The following ACCSL variants were observed in gnomAD, a reference collection of about 807,000 sequenced individuals.
ACCSL encodes probable inactive 1-aminocyclopropane-1-carboxylate synthase-like protein 2.
In ACCSL, 55 loss-of-function variants were observed where a neutral mutation model predicts 61.7. That is an observed-to-expected ratio of 0.89 (90% confidence interval 0.72 to 1.12). The LOEUF (loss-of-function observed/expected upper bound fraction) is 1.12, where lower values mean the gene tolerates loss of function less well. Ranked by LOEUF, ACCSL falls within the 50% of genes most tolerant of loss-of-function variation. The pLI, the probability that ACCSL is intolerant of heterozygous loss-of-function variation, is 0.00. For missense variants in ACCSL, 632 were observed against 698.0 expected (o/e 0.91, Z 1.07); for synonymous variants, 258 against 264.3 (o/e 0.98, Z 0.23).
the ACCSL span, among the ~76,000 whole-genome samples, chr11:44,013,366 G>A: frequency 6.6e-6 from 1 of 152,062 alleles, no homozygotes; most frequent in African/African-American, 2.4e-5. Context: ...TGCAACCTCT[G>A]CCTCCTGGAT....
chr11:44,004,274 G>A, the ACCSL span, among the ~76,000 whole-genome samples: 2 of 151,990 alleles, frequency 1.3e-5, no homozygotes, highest in South Asian at 2.1e-4. Flanking sequence ...GGGCAGTCAC[G>A]AGCTTGAGTC....
At chr11:44,054,045 T>C (rs1389066106) in intron 8 of ACCSL, among the ~76,000 whole-genome samples, 1 of 152,234 alleles carries the variant, frequency 6.6e-6, no homozygotes, top group Admixed American at 6.5e-5. Context: ...ATAGTTTTGT[T>C]TTCTGAGAAA....
At chr11:44,055,445 T>G (rs1199851782) in intron 9 of ACCSL, among the ~76,000 whole-genome samples, 154 bp downstream of exon 9, 1 of 152,254 alleles carries the variant, frequency 6.6e-6, no homozygotes, top group East Asian at 1.9e-4. Flanking sequence ...CATCTTTCCC[T>G]CTAAATGTCT....
the ACCSL span, among the ~76,000 whole-genome samples, chr11:44,006,725 G>A: frequency 2.0e-5 from 3 of 151,782 alleles, no homozygotes; most frequent in East Asian, 1.9e-4. Context: ...GGCTGGTCTC[G>A]AACTCCTGAC....
At chr11:43,953,157 C>G in the ACCSL span, among the ~76,000 whole-genome samples, 1 of 152,128 alleles carries the variant, frequency 6.6e-6, no homozygotes, top group Non-Finnish European at 1.5e-5. Flanking sequence ...GGAGATCAGG[C>G]ATTCTTTGTT....
intron 13 of ACCSL, among the ~76,000 whole-genome samples, chr11:44,059,595 C>T (rs567433226): frequency 6.6e-5 from 10 of 152,214 alleles, no homozygotes; most frequent in African/African-American, 1.9e-4. Flanking sequence ...GCCATAAGCC[C>T]GAGAGTACAG....
the ACCSL span, among the ~76,000 whole-genome samples, chr11:43,976,124 C>T: frequency 2.0e-5 from 3 of 151,192 alleles, no homozygotes; most frequent in Non-Finnish European, 4.4e-5. Flanking sequence ...TAAAGAACTA[C>T]ACCCTAGAAG....
the ACCSL span, among the ~76,000 whole-genome samples, chr11:43,954,091 T>G: frequency 6.6e-6 from 1 of 152,164 alleles, no homozygotes; most frequent in Admixed American, 6.5e-5. Context: ...AGGAGCCACA[T>G]GTGGCTCTGG....
At chr11:44,005,774 ACT>A in the ACCSL span, among the ~76,000 whole-genome samples, 1 of 151,968 alleles carries the variant, frequency 6.6e-6, no homozygotes, top group East Asian at 1.9e-4. Context: ...ACTACATCTA[ACT>A]CTCTCAACAA....
intron 2 of ACCSL, 100 bp from the exon 3 acceptor site, chr11:44,050,452 C>A: frequency 3.0e-6 from 3 of 997,456 alleles, no homozygotes; most frequent in South Asian, 1.4e-5. Flanking sequence ...TCTAGGAGGT[C>A]ATGTATGTGG....
At chr11:43,947,896 G>A in the ACCSL span, among the ~76,000 whole-genome samples, 1 of 152,210 alleles carries the variant, frequency 6.6e-6, no homozygotes, top group Non-Finnish European at 1.5e-5. Flanking sequence ...GCAGGCATGA[G>A]CTGGGTGGGT....
At chr11:44,014,866 C>T in the ACCSL span, among the ~76,000 whole-genome samples, 1 of 152,326 alleles carries the variant, frequency 6.6e-6, no homozygotes, top group Non-Finnish European at 1.5e-5. Context: ...CTAAAGCGCT[C>T]TCCGAGCCTG....
At chr11:43,977,228 C>A in the ACCSL span, among the ~76,000 whole-genome samples, 1 of 152,262 alleles carries the variant, frequency 6.6e-6, no homozygotes, top group African/African-American at 2.4e-5. Context: ...TGTCCTAATC[C>A]CTGGAACCTG....
At chr11:43,922,154 G>C in the ACCSL span, 1 of 152,234 alleles carries the variant, frequency 6.6e-6, no homozygotes, top group Non-Finnish European at 1.5e-5. Context: ...CCCTTCTTCT[G>C]AGCTTCAGCA....
At chr11:44,037,761 T>C in the ACCSL span, among the ~76,000 whole-genome samples, 222 of 152,316 alleles carry the variant, frequency 1.5e-3, 1 homozygote, top group African/African-American at 5.2e-3. Flanking sequence ...CAACAAATAT[T>C]AACTAAAAAC....
chr11:43,960,505 C>T, the ACCSL span, among the ~76,000 whole-genome samples: 3 of 151,996 alleles, frequency 2.0e-5, no homozygotes, highest in African/African-American at 7.2e-5. Flanking sequence ...TCTCCTCAGC[C>T]TCCCGAGTAG....
chr11:43,957,669 C>T, the ACCSL span, among the ~76,000 whole-genome samples: 1 of 152,142 alleles, frequency 6.6e-6, no homozygotes, highest in Non-Finnish European at 1.5e-5. Flanking sequence ...CTTTGATTTC[C>T]TTCAGGCCCT....
At chr11:43,941,454 C>G in the ACCSL span, among the ~76,000 whole-genome samples, 8 of 152,200 alleles carry the variant, frequency 5.3e-5, no homozygotes, top group Non-Finnish European at 8.8e-5. Context: ...TCCCACTGAC[C>G]CCCTCCTTTT....
Position 44,048,048 on chromosome 11 carries a change from G to A in ACCSL, c.12G>A (p.Arg4=), listed in dbSNP as rs1289340526. The A allele has an allele frequency of 7.5e-6, 12 of 1,610,206 alleles. No individual in the cohort carries two copies. Among genetic ancestry groups the A allele is most frequent in the Non-Finnish European group, 1.0e-5 (12 of 1,176,872 alleles). Residue 4 remains arginine (R), a synonymous_variant, in exon 1 of 14, where the codon CGG becomes CGA. Transcript: ENST00000378832. The part of the protein sequence containing the change: MSH[R]SDTLPVPSGQ... ...AAGATACCCGGAGTATGAGTCATCG[G>A]TCAGACACCCTTCCTGTGCCCTCTG...
Sources: allele counts gnomAD v4.1 joint callset (sites outside exome capture counted in the v4.1 genomes callset), GRCh38; gene constraint gnomAD v4.1.1; transcripts MANE v1.5; gene names NCBI Gene and HGNC (gene_info 2026-07-23, HGNC 2026-07-21).